B3GALT1: variants seen among roughly 807,000 people sequenced by gnomAD.
The protein encoded by B3GALT1 is beta-1,3-galactosyltransferase 1.
B3GALT1 carries 10 observed loss-of-function variants against 23.2 expected under a neutral mutation model. That is an observed-to-expected ratio of 0.43 (90% CI 0.27 to 0.73). B3GALT1 has a LOEUF of 0.73. B3GALT1 is among the 30% of genes least tolerant of loss of function. The pLI is 0.21. For missense variants in B3GALT1, 299 were observed against 405.4 expected (o/e 0.74, Z 2.25); for synonymous variants, 156 against 141.5 (o/e 1.10, Z -0.73).
At chr2:167,611,753 C>T (rs1257311496) in intron 2 of B3GALT1, among the ~76,000 whole-genome samples, 13 of 152,004 alleles carry the variant, frequency 8.6e-5, no homozygotes, top group Admixed American at 7.9e-4. Flanking sequence ...TAGTTCTCTC[C>T]TATTCCGTTG....
At chr2:167,656,993 G>C (rs969997888) in intron 3 of B3GALT1, among the ~76,000 whole-genome samples, 4 of 152,080 alleles carry the variant, frequency 2.6e-5, no homozygotes, top group African/African-American at 9.7e-5. Context: ...AGAGAAATCA[G>C]GAAAGAGGCA....
At chr2:167,535,340 A>G (rs757532790) in intron 2 of B3GALT1, among the ~76,000 whole-genome samples, 2 of 152,132 alleles carry the variant, frequency 1.3e-5, no homozygotes, top group East Asian at 1.9e-4. Flanking sequence ...TCAGTGTACA[A>G]TCTATACTGT....
chr2:167,849,049 A>G (rs190385966), intron 4 of B3GALT1, among the ~76,000 whole-genome samples: 1 of 152,228 alleles, frequency 6.6e-6, no homozygotes, highest in Non-Finnish European at 1.5e-5. Flanking sequence ...CTGCAGGGAA[A>G]ACTATGAGAC....
chr2:167,836,783 C>T (rs575661710), intron 4 of B3GALT1, among the ~76,000 whole-genome samples: 229 of 152,232 alleles, frequency 1.5e-3, no homozygotes, highest in Non-Finnish European at 2.2e-3. Context: ...AGAGAAAGGG[C>T]GGGTTACCCC....
chr2:167,359,035 C>T (rs1003244711), intron 1 of B3GALT1, among the ~76,000 whole-genome samples: 9 of 152,042 alleles, frequency 5.9e-5, no homozygotes, highest in South Asian at 2.1e-4. Context: ...CTCCTGACCT[C>T]GTGATCCGCC....
chr2:167,339,224 A>G (rs1210634478), intron 1 of B3GALT1, among the ~76,000 whole-genome samples: 1 of 152,202 alleles, frequency 6.6e-6, no homozygotes, highest in Non-Finnish European at 1.5e-5. Context: ...GTGAAAGTAT[A>G]TAACAAAAAT....
At chr2:167,619,938 TAAAC>T (rs1379834453) in intron 2 of B3GALT1, among the ~76,000 whole-genome samples, 1 of 152,132 alleles carries the variant, frequency 6.6e-6, no homozygotes, top group African/African-American at 2.4e-5. Context: ...TGATAAACAT[TAAAC>T]AAACAAATAC....
intron 4 of B3GALT1, among the ~76,000 whole-genome samples, chr2:167,854,418 A>G (rs1241648568): frequency 6.6e-6 from 1 of 152,178 alleles, no homozygotes; most frequent in African/African-American, 2.4e-5. Flanking sequence ...AAAGTACCTG[A>G]TAATTCTTTG....
intron 1 of B3GALT1, among the ~76,000 whole-genome samples, chr2:167,420,386 A>G (rs1283884085): frequency 1.3e-5 from 2 of 152,230 alleles, no homozygotes; most frequent in African/African-American, 2.4e-5. Flanking sequence ...ACAACTGTAA[A>G]TTTATTAGAT....
In B3GALT1 at chr2:167,714,673, C is replaced by T. The variant is rs190736126; in HGVS notation, c.-352+67707C>T. The T allele has an allele frequency of 2.9e-3, 4,729 of 1,613,904 alleles. 13 individuals carry two copies. The highest frequency in any genetic ancestry group is 3.8e-3 in the Non-Finnish European group (4,432 of 1,179,818). On this transcript the variant is annotated intron_variant, in intron 3 of 4. Coordinates refer to ENST00000392690, the MANE Select transcript of B3GALT1 (RefSeq NM_020981.4). ...TTCTTTCAGCAGTCCGAGCTGCCAA[C>T]CAATTATTATGTCCTTTTTTCTCGT... is the stretch of plus-strand genomic sequence containing the variant.
chr2:167,610,654 T>C (rs1685043229), intron 2 of B3GALT1, among the ~76,000 whole-genome samples: 1 of 151,998 alleles, frequency 6.6e-6, no homozygotes, highest in Admixed American at 6.6e-5. Flanking sequence ...TGGTAGTTAT[T>C]CCAAAATGTC....
intron 1 of B3GALT1, among the ~76,000 whole-genome samples, chr2:167,479,717 G>A (rs1238982121): frequency 6.6e-6 from 1 of 152,008 alleles, no homozygotes; most frequent in African/African-American, 2.4e-5. Flanking sequence ...ATCACCCAAT[G>A]GGTTTTTCTT....
chr2:167,427,212 A>G (rs1698635523), intron 1 of B3GALT1, among the ~76,000 whole-genome samples: 1 of 152,208 alleles, frequency 6.6e-6, no homozygotes, highest in Non-Finnish European at 1.5e-5. Flanking sequence ...AGTACTCTGA[A>G]GTGAAGACAG....
At chr2:167,599,198 G>A (rs940340414) in intron 2 of B3GALT1, among the ~76,000 whole-genome samples, 1 of 152,086 alleles carries the variant, frequency 6.6e-6, no homozygotes, top group Admixed American at 6.6e-5. Flanking sequence ...TACAAAATAC[G>A]CAGTTCTCTC....
chr2:167,600,720 T>G (rs1350999929), intron 2 of B3GALT1, among the ~76,000 whole-genome samples: 1 of 152,218 alleles, frequency 6.6e-6, no homozygotes, highest in African/African-American at 2.4e-5. Context: ...CAGGACTGCA[T>G]GCCTTTTCAT....
chr2:167,848,888 C>A (rs1187549829), intron 4 of B3GALT1, among the ~76,000 whole-genome samples: 1 of 151,942 alleles, frequency 6.6e-6, no homozygotes, highest in African/African-American at 2.4e-5. Context: ...TGAAAGAATT[C>A]AGCAAAGATT....
chr2:167,545,005 C>G (rs960469017), intron 2 of B3GALT1, among the ~76,000 whole-genome samples: 1 of 139,420 alleles, frequency 7.2e-6, no homozygotes, highest in Non-Finnish European at 1.5e-5. Flanking sequence ...CCCGGAAGGC[C>G]GCTTTTGGCT....
At chr2:167,418,520 C>G (rs1048089748) in intron 1 of B3GALT1, among the ~76,000 whole-genome samples, 2 of 152,070 alleles carry the variant, frequency 1.3e-5, no homozygotes, top group South Asian at 4.1e-4. Flanking sequence ...ATTGACTTAT[C>G]TTAGACCTTC....
chr2:167,807,740 T>C (rs959861769), intron 3 of B3GALT1, among the ~76,000 whole-genome samples: 6 of 152,232 alleles, frequency 3.9e-5, no homozygotes, highest in African/African-American at 1.4e-4. Context: ...TCCAACTAAG[T>C]GGTCAATTTT....
Sources: allele counts gnomAD v4.1 joint callset (sites outside exome capture counted in the v4.1 genomes callset), GRCh38; gene constraint gnomAD v4.1.1; transcripts MANE v1.5; gene names NCBI Gene and HGNC (gene_info 2026-07-23, HGNC 2026-07-21).